The following NFIA variants were observed in gnomAD, a reference collection of about 807,000 sequenced individuals.
NFIA encodes the protein nuclear factor I A.
A neutral mutation model predicts 62.8 loss-of-function variants in NFIA; 8 were observed. The ratio of observed to expected loss-of-function variants is 0.13; its 90% CI spans 0.07 to 0.23. The LOEUF is 0.23. Among genes scored for constraint, NFIA ranks in the 10% least tolerant of loss-of-function variants. The pLI, the probability that NFIA is intolerant of heterozygous loss-of-function variation, is 1.00. For synonymous variants in NFIA, 235 were observed against 238.1 expected (o/e 0.99, Z 0.12); for missense variants, 410 against 642.1 (o/e 0.64, Z 3.91).
At chr1:61,440,457 C>T (rs1023212779) in intron 10 of NFIA, among the ~76,000 whole-genome samples, 3 of 152,136 alleles carry the variant, frequency 2.0e-5, no homozygotes, top group Non-Finnish European at 4.4e-5. Context: ...TGGATGAAGG[C>T]CTCCTTTTGA....
intron 10 of NFIA, among the ~76,000 whole-genome samples, chr1:61,452,041 AC>A (rs1668080084): frequency 6.6e-6 from 1 of 152,246 alleles, no homozygotes; most frequent in African/African-American, 2.4e-5. Context: ...ATGTTCTAAA[AC>A]TTGTACTGCT....
intron 3 of NFIA, among the ~76,000 whole-genome samples, chr1:61,286,427 CAAAAAA>C (rs59486053): frequency 1.8e-5 from 2 of 108,778 alleles, no homozygotes; most frequent in African/African-American, 3.3e-5. Flanking sequence ...GACTCTGTCT[CAAAAAA>C]AAAAAAAAAA....
At chr1:61,191,815 T>C (rs1651645836) in intron 2 of NFIA, among the ~76,000 whole-genome samples, 1 of 150,438 alleles carries the variant, frequency 6.6e-6, no homozygotes, top group African/African-American at 2.5e-5. Flanking sequence ...ACCATAAATT[T>C]TCTTCTAGAT....
At chr1:61,246,969 G>A (rs775057936) in intron 2 of NFIA, among the ~76,000 whole-genome samples, 7 of 152,140 alleles carry the variant, frequency 4.6e-5, no homozygotes, top group Admixed American at 2.0e-4. Context: ...AATGTTGACC[G>A]TGAACCAAAA....
At chr1:61,219,668 C>T (rs1440084509) in intron 2 of NFIA, among the ~76,000 whole-genome samples, 4 of 143,016 alleles carry the variant, frequency 2.8e-5, no homozygotes, top group East Asian at 2.2e-4. Flanking sequence ...GAGCCGAGAT[C>T]GCGCCATTGC....
chr1:61,088,077 G>T lies in NFIA; in HGVS notation c.28-72G>T. The T allele has an allele frequency of 7.0e-7, 1 of 1,427,648 alleles. No individual in the cohort carries two copies. The highest frequency in any genetic ancestry group is 1.4e-5 in the South Asian group (1 of 71,196). 88.4% of individuals were successfully genotyped at this position (1,427,648 alleles called of 1,614,324 possible). A position where few individuals can be genotyped will look rare whatever the true frequency, so the allele number is the denominator to read the frequency against. On this transcript the variant is annotated intron_variant, in intron 1 of 10. Coordinates refer to ENST00000403491, the MANE Select transcript of NFIA (RefSeq NM_001134673.4). This position sits in a 1 kb window ranked among gnomAD's most constrained non-coding sequence, Gnocchi z 4.5. ...AAATGAGGAATTTCTTTCTTAAGGTGACCCGCTGAAGAAAAGTTGTTTTCT... is the reference window on the plus strand; with the variant it reads ...AAATGAGGAATTTCTTTCTTAAGGTTACCCGCTGAAGAAAAGTTGTTTTCT...
chr1:61,263,857 A>G (rs1004314033), intron 2 of NFIA, among the ~76,000 whole-genome samples: 1 of 152,094 alleles, frequency 6.6e-6, no homozygotes. Flanking sequence ...GGGCATGGCA[A>G]CATGCACCTG....
chr1:61,373,050 TTGAACTA>T (rs1207399976), intron 6 of NFIA, among the ~76,000 whole-genome samples: 1 of 152,186 alleles, frequency 6.6e-6, no homozygotes, highest in Non-Finnish European at 1.5e-5. Flanking sequence ...AGCTTCTAGC[TTGAACTA>T]TGAACTACGG....
intron 5 of NFIA, 66 bp downstream of exon 5, chr1:61,352,633 G>C: frequency 8.1e-7 from 1 of 1,231,776 alleles, no homozygotes; most frequent in Non-Finnish European, 1.2e-6. Flanking sequence ...TTTAACTCTG[G>C]GCCCACTATG....
At chr1:61,349,495 G>A (rs978647743) in intron 4 of NFIA, among the ~76,000 whole-genome samples, 2 of 151,982 alleles carry the variant, frequency 1.3e-5, no homozygotes, top group African/African-American at 2.4e-5. Flanking sequence ...AGTGCTAATC[G>A]TGGGAGTTAT....
At chr1:61,288,805 T>C (rs572321490) in intron 3 of NFIA, among the ~76,000 whole-genome samples, 1 of 152,188 alleles carries the variant, frequency 6.6e-6, no homozygotes, top group African/African-American at 2.4e-5. Context: ...CTCACTCCCA[T>C]TGCCTAGGCT....
intron 9 of NFIA, among the ~76,000 whole-genome samples, chr1:61,424,349 C>CT (rs1666770496): frequency 6.6e-6 from 1 of 151,938 alleles, no homozygotes. Context: ...ACACCCCCCC[C>CT]TCAACCCCCA....
At chr1:61,365,364 C>G (rs1663532533) in intron 6 of NFIA, among the ~76,000 whole-genome samples, 1 of 152,116 alleles carries the variant, frequency 6.6e-6, no homozygotes, top group Non-Finnish European at 1.5e-5. Flanking sequence ...TGGAAGCCAC[C>G]TTAACTTTAA....
chr1:61,277,393 C>G (rs1657869153), intron 2 of NFIA, 127 bp from the exon 3 acceptor site: 2 of 799,138 alleles, frequency 2.5e-6, no homozygotes, highest in East Asian at 2.6e-5. Context: ...TTTTTCATGT[C>G]TCATGTCATT....
At chr1:61,177,262 C>T (rs184210218) in intron 2 of NFIA, among the ~76,000 whole-genome samples, 1 of 152,204 alleles carries the variant, frequency 6.6e-6, no homozygotes, top group African/African-American at 2.4e-5. Context: ...CCCTCCTTCC[C>T]ACATTTGGGT....
chr1:61,178,031 T>C (rs887914231), intron 2 of NFIA, among the ~76,000 whole-genome samples: 3 of 152,144 alleles, frequency 2.0e-5, no homozygotes, highest in African/African-American at 7.2e-5. Context: ...TCATTTATCT[T>C]ATGTGGGTCC....
At chr1:61,126,779 T>C (rs55980404) in intron 2 of NFIA, among the ~76,000 whole-genome samples, 44 of 1,024 alleles carry the variant, frequency 0.043, 1 homozygote, top group East Asian at 0.12. Flanking sequence ...TCAGATTCCT[T>C]TTTTTTTTTT....
chr1:61,246,535 G>A (rs1391558658), intron 2 of NFIA, among the ~76,000 whole-genome samples: 1 of 151,908 alleles, frequency 6.6e-6, no homozygotes, highest in Non-Finnish European at 1.5e-5. Flanking sequence ...TCTTTTGGGG[G>A]CATCAGTTTC....
rs143186560 is a variant in NFIA at position 61,264,981 on chromosome 1, G to A, written c.560-12539G>A. On this transcript the variant is annotated intron_variant, in intron 2 of 10. Coordinates refer to ENST00000403491, the MANE Select transcript of NFIA (RefSeq NM_001134673.4). ...TGACTGGTTACTGATCTTTGAAAGC[G>A]TTTCAGGATTTCAAAGCTACATAAG... Among the ~76,000 whole-genome samples, 203 of 152,276 alleles carry A rather than the reference G, an allele frequency of 1.3e-3. 1 individual carries two copies. Among genetic ancestry groups the A allele is most frequent in the African/African-American group, 4.3e-3 (179 of 41,556 alleles).
Sources: allele counts gnomAD v4.1 joint callset (sites outside exome capture counted in the v4.1 genomes callset), GRCh38; gene constraint gnomAD v4.1.1; non-coding constraint Gnocchi (gnomAD v3.1); transcripts MANE v1.5; gene names NCBI Gene and HGNC (gene_info 2026-07-23, HGNC 2026-07-21).